The following SCAPER variants were observed in gnomAD, a reference collection of about 807,000 sequenced individuals.
SCAPER encodes S-phase cyclin A associated protein in the ER, also known as S phase cyclin A-associated protein in the endoplasmic reticulum.
A neutral mutation model predicts 182.2 loss-of-function variants in SCAPER; 98 were observed. The ratio of observed to expected loss-of-function variants is 0.54; its 90% CI spans 0.46 to 0.64. The LOEUF (loss-of-function observed/expected upper bound fraction) is 0.64, where lower values mean the gene tolerates loss of function less well. SCAPER is among the 30% of genes least tolerant of loss of function. SCAPER has a pLI of 0.00. For missense variants in SCAPER, 1,432 were observed against 1,690.0 expected (o/e 0.85, Z 2.68); for synonymous variants, 605 against 564.6 (o/e 1.07, Z -1.01).
chr15:76,681,365 T>C lies in SCAPER; in HGVS notation c.2509-15576A>G, dbSNP rs375134204. On this transcript the variant is annotated intron_variant, in intron 20 of 31. Transcript: ENST00000563290. ...ATCCTCAACTAAAAGATAAATACTA[T>C]AAGACTAGTTTAACAGAAGAAAATC... is the stretch of plus-strand genomic sequence containing the variant. 1.1e-4 allele frequency among the ~76,000 whole-genome samples: 17 copies of C among 152,186 alleles called. 2 individuals carry two copies. The highest frequency in any genetic ancestry group is 7.7e-4 in the East Asian group (4 of 5,204).
chr15:76,857,916 A>G, intron 3 of SCAPER, 37 bp from the exon 4 acceptor site: 1 of 1,351,668 alleles, frequency 7.4e-7, no homozygotes, highest in Non-Finnish European at 1.0e-6. Flanking sequence ...GTAGATATAC[A>G]GAATGATAGA....
intron 8 of SCAPER, among the ~76,000 whole-genome samples, chr15:76,779,967 C>T (rs183187579): frequency 3.9e-5 from 6 of 152,300 alleles, no homozygotes; most frequent in Admixed American, 3.3e-4. Flanking sequence ...GCGTGATCGA[C>T]GCAGAAGAAA....
At chr15:76,424,553 G>A (rs527716948) in intron 26 of SCAPER, among the ~76,000 whole-genome samples, 1 of 152,216 alleles carries the variant, frequency 6.6e-6, no homozygotes, top group South Asian at 2.1e-4. Context: ...GCACATTGAT[G>A]GGTCTTGACT....
At chr15:76,608,795 G>T (rs1047310279) in intron 22 of SCAPER, among the ~76,000 whole-genome samples, 1 of 152,220 alleles carries the variant, frequency 6.6e-6, no homozygotes, top group East Asian at 1.9e-4. Flanking sequence ...CAATGAGTGA[G>T]ACTCCGTTGG....
Position 76,824,366 on chromosome 15 carries a change from T to C in SCAPER, c.393+17368A>G, listed in dbSNP as rs1024799393. On this transcript the variant is annotated intron_variant, in intron 5 of 31. Coordinates refer to ENST00000563290, the MANE Select transcript of SCAPER (RefSeq NM_020843.4). ...CAGGAAGGTTGGCGCCATCCCTTTG[T>C]CCTCCTGACACACAATACTAGTGCA... 2.0e-5 allele frequency among the ~76,000 whole-genome samples: 3 copies of C among 152,180 alleles called. No homozygotes were observed. The East Asian group carries it at 5.8e-4, about 29-fold the overall frequency.
chr15:76,772,569 T>C (rs556243250), intron 9 of SCAPER, among the ~76,000 whole-genome samples: 53 of 152,108 alleles, frequency 3.5e-4, no homozygotes, highest in African/African-American at 1.1e-3. Context: ...AGGGTGAAGA[T>C]TGAAAGCATG....
At chr15:76,392,700 G>T (rs1596405493) in intron 27 of SCAPER, among the ~76,000 whole-genome samples, 1 of 152,184 alleles carries the variant, frequency 6.6e-6, no homozygotes, top group African/African-American at 2.4e-5. Flanking sequence ...GCAGTAAGCC[G>T]TGATCACTCT....
In SCAPER at chr15:76,376,297, T is replaced by C. The variant is rs1364067946; in HGVS notation, c.3720A>G (p.Ala1240=). Reference sequence around the variant, plus strand: ...GCCGGAATGCAAGGGACAAGCCCTCTGCCCCTACAATAGACTGACAAAGAC... The same window carrying C: ...GCCGGAATGCAAGGGACAAGCCCTCCGCCCCTACAATAGACTGACAAAGAC... The part of the protein sequence containing the change: ...HLPAFQSIVG[A]EGLSLAFRHM... The change falls in exon 29 of 32, where the codon GCA becomes GCG. Residue 1240 remains alanine (A), a synonymous_variant. Coordinates refer to ENST00000563290, the MANE Select transcript of SCAPER (RefSeq NM_020843.4). 4.3e-6 allele frequency: 7 copies of C among 1,612,930 alleles called. No individual in the cohort carries two copies. In the South Asian group the frequency reaches 7.7e-5, roughly 18 times the overall value.
rs183573478 is a variant in SCAPER, at chr15:76,638,419, C to A, written c.2646-16590G>T. Among the ~76,000 whole-genome samples, 21 of 152,216 alleles carry A rather than the reference C, an allele frequency of 1.4e-4. No homozygotes were observed. In the East Asian group the frequency reaches 3.1e-3, roughly 22 times the overall value. On this transcript the variant is annotated intron_variant, in intron 21 of 31. Transcript: ENST00000563290. ...TAGTATAAAATAGACATGGCAGTGG[C>A]AGACACATTCTGTCTTGTCTTAAAA...
intron 20 of SCAPER, among the ~76,000 whole-genome samples, chr15:76,677,054 T>C (rs2057408332): frequency 6.6e-6 from 1 of 152,136 alleles, no homozygotes; most frequent in Non-Finnish European, 1.5e-5. Flanking sequence ...CTAATTACTA[T>C]GTCACAGGCA....
At chr15:76,405,288 T>G (rs2044748224) in intron 26 of SCAPER, among the ~76,000 whole-genome samples, 1 of 151,776 alleles carries the variant, frequency 6.6e-6, no homozygotes, top group African/African-American at 2.4e-5. Flanking sequence ...TAATTTTTTT[T>G]TTTTATTTGT....
chr15:76,493,082 T>C (rs558459105), intron 24 of SCAPER, among the ~76,000 whole-genome samples: 4 of 152,166 alleles, frequency 2.6e-5, no homozygotes, highest in Admixed American at 2.0e-4. Context: ...CATGCTGCAA[T>C]AGCAAACCAG....
chr15:76,845,817 C>T (rs1329195145), intron 4 of SCAPER, among the ~76,000 whole-genome samples: 1 of 152,068 alleles, frequency 6.6e-6, no homozygotes, highest in Non-Finnish European at 1.5e-5. Flanking sequence ...ATACCAATGA[C>T]ATTCTTCACA....
intron 26 of SCAPER, among the ~76,000 whole-genome samples, chr15:76,427,959 G>A (rs2046556365): frequency 6.6e-6 from 1 of 151,492 alleles, no homozygotes; most frequent in Non-Finnish European, 1.5e-5. Context: ...AATTAGCTGG[G>A]TGTGGTTGTT....
chr15:76,499,591 T>C (rs1323279663), intron 24 of SCAPER, among the ~76,000 whole-genome samples: 2 of 152,210 alleles, frequency 1.3e-5, no homozygotes, highest in African/African-American at 4.8e-5. Context: ...CTCATGATCC[T>C]AAGGACTTAC....
At chr15:76,905,244 C>T (rs1035465696) in intron 1 of SCAPER, 55 bp downstream of exon 1, 5 of 187,952 alleles carry the variant, frequency 2.7e-5, no homozygotes, top group South Asian at 2.4e-4. Context: ...ACGGCCCGCG[C>T]CCCAACCCGG....
chr15:76,528,155 T>A (rs1333538002), intron 23 of SCAPER, among the ~76,000 whole-genome samples: 1 of 152,242 alleles, frequency 6.6e-6, no homozygotes, highest in Admixed American at 6.5e-5. Flanking sequence ...AAGCCATTCT[T>A]AGTTGGTGGG....
chr15:76,468,862 A>G (rs1170230929), intron 25 of SCAPER, among the ~76,000 whole-genome samples: 1 of 152,144 alleles, frequency 6.6e-6, no homozygotes. Context: ...TAGTGCCCTT[A>G]TAAAAAGAGG....
At chr15:76,608,672 C>T (rs1216402290) in intron 22 of SCAPER, among the ~76,000 whole-genome samples, 5 of 152,198 alleles carry the variant, frequency 3.3e-5, no homozygotes, top group East Asian at 1.9e-4. Flanking sequence ...CTACCCAGTT[C>T]GAGATTCCCG....
Sources: allele counts gnomAD v4.1 joint callset (sites outside exome capture counted in the v4.1 genomes callset), GRCh38; gene constraint gnomAD v4.1.1; transcripts MANE v1.5; gene names NCBI Gene and HGNC (gene_info 2026-07-23, HGNC 2026-07-21).